The following TBK1 variants were observed in gnomAD, a reference collection of about 807,000 sequenced individuals.
TBK1 encodes serine/threonine-protein kinase TBK1.
Under a neutral mutation model 99.9 loss-of-function variants are expected in TBK1, and 37 were observed. That is an observed-to-expected ratio of 0.37 (90% confidence interval 0.28 to 0.49). The LOEUF (loss-of-function observed/expected upper bound fraction) is 0.49. Ranked by LOEUF, TBK1 falls within the 20% of genes least tolerant of loss-of-function variation. The pLI, the probability that TBK1 is intolerant of heterozygous loss-of-function variation, is 0.98. For synonymous variants in TBK1, 258 were observed against 279.8 expected (o/e 0.92, Z 0.78); for missense variants, 644 against 872.5 (o/e 0.74, Z 3.30).
At chr12:64,455,811 C>G in intron 1 of TBK1, 29 bp from the exon 2 acceptor site, 1 of 1,322,886 alleles carries the variant, frequency 7.6e-7, no homozygotes, top group Non-Finnish European at 1.1e-6. Flanking sequence ...TCCCTTAAAA[C>G]ATAGTTGCAA....
intron 2 of TBK1, among the ~76,000 whole-genome samples, chr12:64,458,108 CACACACACACACAT>C (rs2040508048): frequency 1.3e-5 from 2 of 151,750 alleles, no homozygotes; most frequent in Non-Finnish European, 2.9e-5. Context: ...CACACACACA[CACACACACACACAT>C]ACACACACGA....
At chr12:64,465,725 T>C (rs922836584) in intron 4 of TBK1, among the ~76,000 whole-genome samples, 30 of 152,132 alleles carry the variant, frequency 2.0e-4, no homozygotes, top group Non-Finnish European at 4.0e-4. Context: ...ATGTCAAGAA[T>C]AGGCAAATCC....
chr12:64,453,393 C>A (rs1158655657), intron 1 of TBK1, among the ~76,000 whole-genome samples: 2 of 152,058 alleles, frequency 1.3e-5, no homozygotes, highest in African/African-American at 2.4e-5. Context: ...ATAGTTGAGA[C>A]GTTTGTTATT....
intron 3 of TBK1, among the ~76,000 whole-genome samples, chr12:64,461,454 T>G (rs1457260650): frequency 6.6e-6 from 1 of 152,234 alleles, no homozygotes; most frequent in Non-Finnish European, 1.5e-5. Flanking sequence ...TCCGAGTGAT[T>G]TTATTTTTAG....
chr12:64,454,221 A>G (rs1057440540), intron 1 of TBK1, among the ~76,000 whole-genome samples: 1 of 152,204 alleles, frequency 6.6e-6, no homozygotes, highest in Non-Finnish European at 1.5e-5. Context: ...AGACAAAATT[A>G]GAAGAGAAAT....
At chr12:64,477,642 A>G (rs771780238) in intron 6 of TBK1, among the ~76,000 whole-genome samples, 2 of 152,012 alleles carry the variant, frequency 1.3e-5, no homozygotes, top group Non-Finnish European at 2.9e-5. Context: ...AATGCCTTTT[A>G]TTTTTGTCTT....
intron 3 of TBK1, among the ~76,000 whole-genome samples, chr12:64,463,198 C>T (rs1234807833): frequency 2.6e-5 from 4 of 151,786 alleles, no homozygotes; most frequent in African/African-American, 9.7e-5. Flanking sequence ...GGTGAAACCC[C>T]GTCTCTACTA....
At chr12:64,484,264 TC>T in intron 8 of TBK1, 38 bp from the exon 9 acceptor site, 1 of 1,389,950 alleles carries the variant, frequency 7.2e-7, no homozygotes, top group Non-Finnish European at 1.0e-6. Flanking sequence ...TCTCACTTTA[TC>T]CCCAGTTATA....
At chr12:64,494,300 C>CA (rs113315198) in intron 13 of TBK1, among the ~76,000 whole-genome samples, 103 of 134,372 alleles carry the variant, frequency 7.7e-4, no homozygotes, top group African/African-American at 1.7e-3. Context: ...CCAACTCTAC[C>CA]AAAAAAAAAA....
chr12:64,484,369 C>T lies in TBK1; in HGVS notation c.1059C>T (p.Ile353=), dbSNP rs779150052. 7 of 1,613,960 alleles carry T rather than the reference C, an allele frequency of 4.3e-6. No homozygotes were observed. In the South Asian group the frequency reaches 4.4e-5, roughly 10 times the overall value. The change falls in exon 9 of 21, where the codon ATC becomes ATT. Residue 353 remains isoleucine, a synonymous_variant. Coordinates refer to ENST00000331710, the MANE Select transcript of TBK1 (RefSeq NM_013254.4). ...TTATTTCTTCAAATCAAGAACTTAT[C>T]TACGAAGGGCGACGCTTAGTCTTAG... is the stretch of plus-strand genomic sequence containing the variant. ...TKIISSNQEL[I]YEGRRLVLEP...
At chr12:64,494,469 ACT>A (rs1019261806) in intron 13 of TBK1, among the ~76,000 whole-genome samples, 4 of 152,100 alleles carry the variant, frequency 2.6e-5, no homozygotes, top group African/African-American at 9.7e-5. Context: ...ACAGAATGAG[ACT>A]CTGTTTCAAA....
In TBK1 at chr12:64,497,025, T is replaced by C. The variant is rs747543990; in HGVS notation, c.1837T>C (p.Leu613=). 1 of 1,613,020 alleles carries C rather than the reference T, an allele frequency of 6.2e-7. No individual in the cohort carries two copies. Among genetic ancestry groups the C allele is most frequent in the Non-Finnish European group, 8.5e-7 (1 of 1,179,438 alleles). ...ATGTGTTAAAAAGTATGAGGCATTT[T>C]TGAATAAGTCAGAAGAATGGATAAG... ...DECVKKYEAF[L]NKSEEWIRKM... The change falls in exon 17 of 21, where the codon TTG becomes CTG. Residue 613 remains leucine, a synonymous_variant. Transcript: ENST00000331710.
At chr12:64,491,141 TTAG>T (rs1343519180) in intron 13 of TBK1, among the ~76,000 whole-genome samples, 8 of 152,102 alleles carry the variant, frequency 5.3e-5, no homozygotes, top group South Asian at 2.1e-4. Flanking sequence ...GGTTTATATA[TTAG>T]TAATCAGTGA....
chr12:64,463,600 G>A (rs1303710125), intron 3 of TBK1, among the ~76,000 whole-genome samples: 1 of 150,742 alleles, frequency 6.6e-6, no homozygotes, highest in Non-Finnish European at 1.5e-5. Flanking sequence ...CTTGGGAGCT[G>A]AGGCAGGAGA....
rs553036429 is a variant in TBK1, at chr12:64,488,656, T to G, written c.1442+68T>G. 4.4e-6 allele frequency: 5 copies of G among 1,134,134 alleles called. No homozygotes were observed. In the South Asian group the frequency reaches 5.9e-5, roughly 13 times the overall value. 70.3% of individuals were successfully genotyped at this position (1,134,134 alleles called of 1,614,324 possible). On this transcript the variant is annotated intron_variant, in intron 12 of 20. Transcript: ENST00000331710. ...ATGTTCCATTTCTATTTAAATGACT[T>G]AGTTATCCTTGGCACAATATGGCAT...
At chr12:64,465,038 G>A (rs578232839) in intron 4 of TBK1, among the ~76,000 whole-genome samples, 1 of 151,882 alleles carries the variant, frequency 6.6e-6, no homozygotes, top group Non-Finnish European at 1.5e-5. Flanking sequence ...GAGTCCAGGA[G>A]TTCAAGATCA....
At position 64,464,351 on chromosome 12, in the gene TBK1, A is replaced by G; in HGVS notation, c.246A>G (p.Lys82=). The G allele has an allele frequency of 6.3e-7, 1 of 1,594,668 alleles. No individual in the cohort carries two copies. Among genetic ancestry groups the G allele is most frequent in the Non-Finnish European group, 8.5e-7 (1 of 1,173,506 alleles). The stretch of plus-strand genomic sequence containing the variant: ...TTTTTCAGACAACAACAAGACATAA[A>G]GTACTTATTATGGAATTTTGTCCAT... ...AIEEETTTRH[K]VLIMEFCPCG... The change falls in exon 4 of 21, where the codon AAA becomes AAG. Residue 82 remains lysine (K), a synonymous_variant. Transcript: ENST00000331710.
At chr12:64,475,080 G>A (rs1041214381) in intron 6 of TBK1, among the ~76,000 whole-genome samples, 2 of 151,974 alleles carry the variant, frequency 1.3e-5, no homozygotes, top group African/African-American at 2.4e-5. Context: ...ATTGCGCCAC[G>A]GCACTCCAGC....
chr12:64,474,520 T>C, intron 6 of TBK1, 130 bp downstream of exon 6: 1 of 930,116 alleles, frequency 1.1e-6, no homozygotes, highest in Non-Finnish European at 1.6e-6. Flanking sequence ...TTAAGCTACC[T>C]GGTTTTTAAA....
Sources: allele counts gnomAD v4.1 joint callset (sites outside exome capture counted in the v4.1 genomes callset), GRCh38; gene constraint gnomAD v4.1.1; transcripts MANE v1.5; gene names NCBI Gene and HGNC (gene_info 2026-07-23, HGNC 2026-07-21).